BTBD18: variants seen among roughly 807,000 people sequenced by gnomAD.
BTBD18 encodes BTB domain containing 18.
For missense variants in BTBD18, 787 were observed against 846.3 expected (o/e 0.93, Z 0.87); for synonymous variants, 311 against 324.4 (o/e 0.96, Z 0.44).
At chr11:57,746,901 C>T (rs982952679) in intron 2 of BTBD18, among the ~76,000 whole-genome samples, 1 of 151,674 alleles carries the variant, frequency 6.6e-6, no homozygotes, top group Non-Finnish European at 1.5e-5. Flanking sequence ...TGGCACTTAG[C>T]TATCTGTATT....
In BTBD18 at chr11:57,745,308, C is replaced by T. The variant is rs1949168486; in HGVS notation, c.965G>A (p.Ser322Asn). 1 of 1,551,582 alleles carries T rather than the reference C, an allele frequency of 6.4e-7. No homozygotes were observed. Among genetic ancestry groups the T allele is most frequent in the South Asian group, 1.2e-5 (1 of 84,062 alleles). Residue 322 changes from serine (S) to asparagine (N), a missense_variant, in exon 3 of 3, where the codon AGC becomes AAC. Physicochemically the swap from Ser to Asn is conservative, Grantham distance 46. Coordinates refer to ENST00000422652, the MANE Select transcript of BTBD18 (RefSeq NM_001145101.3). ...TCCCAGACCAGATGGGTTTGGGGTG[C>T]TCTGCAGAGGACTAGCTCTGCCTGG... ...PKPGRASPLQSTPNPSGLGKT... is the reference protein window; with the variant it reads ...PKPGRASPLQNTPNPSGLGKT...
intron 1 of BTBD18, 92 bp from the exon 2 acceptor site, chr11:57,751,328 A>G (rs978732523): frequency 4.8e-6 from 3 of 630,654 alleles, no homozygotes; most frequent in Non-Finnish European, 7.5e-6. Context: ...AGTGAGAGAT[A>G]ATAGTATGAG....
rs1326934975 is a variant in BTBD18 at position 57,745,261 on chromosome 11, G to A, written c.1012C>T (p.Arg338Trp). Residue 338 changes from arginine to tryptophan, a missense_variant, in exon 3 of 3, where the codon CGG (arginine) becomes TGG (tryptophan). Transcript: ENST00000422652. ...GLGKTGGSRK[R>W]SPEVRAPNSD... ...TTAGGTGCCCTGACTTCAGGGCTCC[G>A]CTTCCTGCTCCCACCTGTCTTTCCC... 13 of 1,551,518 alleles carry A rather than the reference G, an allele frequency of 8.4e-6. No individual in the cohort carries two copies. Among genetic ancestry groups the A allele is most frequent in the Non-Finnish European group, 1.0e-5 (12 of 1,146,984 alleles).
chr11:57,747,045 C>G (rs1019667274), intron 2 of BTBD18, among the ~76,000 whole-genome samples: 7 of 152,176 alleles, frequency 4.6e-5, no homozygotes, highest in Non-Finnish European at 8.8e-5. Flanking sequence ...ATTTTATTGA[C>G]TCACACAAGA....
At position 57,745,038 on chromosome 11, in the gene BTBD18, G is replaced by A; in HGVS notation, c.1235C>T (p.Thr412Ile). The change falls in exon 3 of 3, where the codon ACT becomes ATT. Residue 412 changes from threonine (T) to isoleucine (I), a missense_variant. Physicochemically the swap from Thr to Ile is moderately conservative, Grantham distance 89 (BLOSUM62 -1). Coordinates refer to ENST00000422652, the MANE Select transcript of BTBD18 (RefSeq NM_001145101.3). Reference protein sequence around the residue: ...FSSNEQEMSPTRTELCQDSPM... With the variant: ...FSSNEQEMSPIRTELCQDSPM... ...GGAGTCCTGACACAGTTCTGTTCTA[G>A]TAGGTGACATTTCCTGCTCATTACT... 1 of 1,551,676 alleles carries A rather than the reference G, an allele frequency of 6.4e-7. No homozygotes were observed. Among genetic ancestry groups the A allele is most frequent in the South Asian group, 1.2e-5 (1 of 84,062 alleles).
At chr11:57,750,368 C>T (rs757010787) in intron 2 of BTBD18, among the ~76,000 whole-genome samples, 88 of 151,422 alleles carry the variant, frequency 5.8e-4, no homozygotes, top group Non-Finnish European at 5.3e-4. Flanking sequence ...CAGAGAGAGA[C>T]TCTGTCTCAA....
Position 57,743,902 on chromosome 11 carries a change from A to T in BTBD18, c.*232T>A. 2 of 443,388 alleles carry T rather than the reference A, an allele frequency of 4.5e-6. No individual in the cohort carries two copies. Among genetic ancestry groups the T allele is most frequent in the Non-Finnish European group, 8.1e-6 (2 of 247,760 alleles). The allele number at this position is 443,388 out of a possible 1,614,324, so 27.5% of individuals were successfully genotyped here. On this transcript the variant is annotated 3_prime_UTR_variant, in exon 3 of 3. Transcript: ENST00000422652. ...ACACAGTTTGTTTCAGTTGTCACTA[A>T]CCGGAAAATAGATTACAAATAAGAT...
Position 57,745,997 on chromosome 11 carries a change from G to T in BTBD18, c.276C>A (p.Phe92Leu). The change falls in exon 3 of 3, where the codon TTC becomes TTA. Residue 92 changes from phenylalanine (F) to leucine (L), a missense_variant. Coordinates refer to ENST00000422652, the MANE Select transcript of BTBD18 (RefSeq NM_001145101.3). Reference protein sequence around the residue: ...KISTLRKLVDFLYTSEMEVSQ... With the variant: ...KISTLRKLVDLLYTSEMEVSQ... ...ATACTTCCATTTCTGAGGTATACAA[G>T]AAGTCCACCAGCTTCCTAAGTGTGC... is the stretch of plus-strand genomic sequence containing the variant. The T allele has an allele frequency of 4.5e-6, 7 of 1,551,670 alleles. No homozygotes were observed. Among genetic ancestry groups the T allele is most frequent in the Non-Finnish European group, 6.1e-6 (7 of 1,147,002 alleles).
intron 2 of BTBD18, among the ~76,000 whole-genome samples, chr11:57,750,599 A>C (rs1057152386): frequency 6.6e-6 from 1 of 152,214 alleles, no homozygotes; most frequent in African/African-American, 2.4e-5. Context: ...GAGAAAGCTA[A>C]GGCATGAGAA....
At position 57,744,023 on chromosome 11, in the gene BTBD18, G is replaced by A. The variant is rs1300343511; in HGVS notation, c.*111C>T. Reference sequence around the variant, plus strand: ...AGGAAGGGACCTACAAAGAGCCAGGGTACACCTGCCTCTTGTGCTGAGGGC... The same window carrying A: ...AGGAAGGGACCTACAAAGAGCCAGGATACACCTGCCTCTTGTGCTGAGGGC... On this transcript the variant is annotated 3_prime_UTR_variant, in exon 3 of 3. Transcript: ENST00000422652. The A allele has an allele frequency of 2.6e-6, 2 of 766,892 alleles. No homozygotes were observed. The highest frequency in any genetic ancestry group is 5.4e-5 in the East Asian group (2 of 37,020). The allele number at this position is 766,892 out of a possible 1,614,324, so 47.5% of individuals were successfully genotyped here.
chr11:57,746,805 C>CAAAA (rs35274578), intron 2 of BTBD18, among the ~76,000 whole-genome samples: 29 of 95,442 alleles, frequency 3.0e-4, no homozygotes, highest in South Asian at 3.8e-4. Flanking sequence ...ACCTTGTCTC[C>CAAAA]AAAAAAAAAA....
At chr11:57,748,315 A>G (rs1949235117) in intron 2 of BTBD18, among the ~76,000 whole-genome samples, 1 of 152,222 alleles carries the variant, frequency 6.6e-6, no homozygotes, top group Non-Finnish European at 1.5e-5. Context: ...ATATTAATTT[A>G]TTTAATCTTC....
intron 2 of BTBD18, among the ~76,000 whole-genome samples, chr11:57,749,802 C>A (rs1183942826): frequency 4.0e-5 from 6 of 148,516 alleles, no homozygotes; most frequent in Non-Finnish European, 8.9e-5. Flanking sequence ...TGTATGTAAT[C>A]CACAAACTGT....
chr11:57,748,323 T>C (rs1358218253), intron 2 of BTBD18, among the ~76,000 whole-genome samples: 2 of 152,220 alleles, frequency 1.3e-5, no homozygotes, highest in East Asian at 3.8e-4. Flanking sequence ...TTATTTAATC[T>C]TCACTGTAAC....
intron 2 of BTBD18, among the ~76,000 whole-genome samples, chr11:57,749,893 C>A (rs1949271725): frequency 6.6e-6 from 1 of 151,918 alleles, no homozygotes; most frequent in East Asian, 1.9e-4. Flanking sequence ...AGTTACCTGC[C>A]CATTTCTTGG....
At chr11:57,750,459 G>A (rs1174949984) in intron 2 of BTBD18, among the ~76,000 whole-genome samples, 1 of 152,230 alleles carries the variant, frequency 6.6e-6, no homozygotes, top group East Asian at 1.9e-4. Flanking sequence ...ACTTTGGCAA[G>A]CCCAGGCGGG....
chr11:57,750,060 A>C, intron 2 of BTBD18, among the ~76,000 whole-genome samples: 1 of 152,176 alleles, frequency 6.6e-6, no homozygotes, highest in East Asian at 1.9e-4. Flanking sequence ...AACAAACAAC[A>C]AAAGTCATCA....
At chr11:57,748,727 T>A (rs1408767051) in intron 2 of BTBD18, among the ~76,000 whole-genome samples, 2 of 152,186 alleles carry the variant, frequency 1.3e-5, no homozygotes, top group Non-Finnish European at 2.9e-5. Context: ...ATGAAACAGC[T>A]GCCTATCTAG....
rs1395880373 is a variant in BTBD18 at position 57,745,234 on chromosome 11, A to G, written c.1039T>C (p.Ser347Pro). 1 of 1,551,584 alleles carries G rather than the reference A, an allele frequency of 6.4e-7. No homozygotes were observed. The highest frequency in any genetic ancestry group is 8.7e-7 in the Non-Finnish European group (1 of 1,146,952). Reference sequence around the variant, plus strand: ...ACCTGCCCCTCCTCTGCAGAGTCTGAGTTAGGTGCCCTGACTTCAGGGCTC... The same window carrying G: ...ACCTGCCCCTCCTCTGCAGAGTCTGGGTTAGGTGCCCTGACTTCAGGGCTC... ...KRSPEVRAPN[S>P]DSAEEGQVGR... The change falls in exon 3 of 3, where the codon TCA (serine) becomes CCA (proline). Residue 347 changes from serine to proline, a missense_variant. By Grantham distance (74) the Ser-to-Pro change is moderately conservative. Coordinates refer to ENST00000422652, the MANE Select transcript of BTBD18 (RefSeq NM_001145101.3).
Sources: gnomAD v4.1 joint callset for allele counts (sites outside exome capture counted in the v4.1 genomes callset) on GRCh38, gnomAD v4.1.1 for gene constraint, MANE v1.5 for transcripts, NCBI Gene and HGNC (gene_info 2026-07-23, HGNC 2026-07-21) for gene names.